The following SARS1 variants were observed in gnomAD, a reference collection of about 807,000 sequenced individuals.
SARS1 encodes the protein seryl-tRNA synthetase 1, also known as serine--tRNA ligase, cytoplasmic.
In SARS1, 25 loss-of-function variants were observed where a neutral mutation model predicts 63.7. The ratio of observed to expected loss-of-function variants is 0.39; its 90% CI spans 0.29 to 0.55. The LOEUF is 0.55. Ranked by LOEUF, SARS1 falls within the 20% of genes least tolerant of loss-of-function variation. SARS1 has a pLI of 0.62. For synonymous variants in SARS1, 231 were observed against 243.5 expected (o/e 0.95, Z 0.48); for missense variants, 417 against 649.7 (o/e 0.64, Z 3.89).
chr1:109,228,300 T>C, intron 2 of SARS1, 52 bp from the exon 3 acceptor site: 1 of 1,302,870 alleles, frequency 7.7e-7, no homozygotes, highest in East Asian at 2.3e-5. Flanking sequence ...TATAAAACAA[T>C]GCCAGAGATT....
In SARS1 at chr1:109,237,274, A is replaced by T. The variant is rs1391272667; in HGVS notation, c.1288A>T (p.Met430Leu). ...GTTTGTCCATATGCTCAATGCTACCATGTGCGCCACTACCCGTACCATCTG... is the reference window on the plus strand; with the variant it reads ...GTTTGTCCATATGCTCAATGCTACCTTGTGCGCCACTACCCGTACCATCTG... ...VEFVHMLNAT[M>L]CATTRTICAI... Residue 430 changes from methionine to leucine, a missense_variant, in exon 10 of 11, where the codon ATG (methionine) becomes TTG (leucine). Coordinates refer to ENST00000234677, the MANE Select transcript of SARS1 (RefSeq NM_006513.4). This position sits in a 1 kb window ranked among gnomAD's most constrained non-coding sequence, Gnocchi z 4.1. The T allele has an allele frequency of 6.2e-7, 1 of 1,613,860 alleles. No individual in the cohort carries two copies. The highest frequency in any genetic ancestry group is 8.5e-7 in the Non-Finnish European group (1 of 1,180,002).
intron 4 of SARS1, among the ~76,000 whole-genome samples, chr1:109,230,035 T>C (rs950875416): frequency 6.6e-6 from 1 of 152,090 alleles, no homozygotes; most frequent in Non-Finnish European, 1.5e-5. Context: ...TGTGCCTCTT[T>C]CATTCATTCC....
At chr1:109,233,674 ATTATTTTTAATTT>A (rs1655251505) in intron 6 of SARS1, among the ~76,000 whole-genome samples, 1 of 151,662 alleles carries the variant, frequency 6.6e-6, no homozygotes. Flanking sequence ...TTAACTTAGC[ATTATTTTTAATTT>A]TTATTTTTAT....
chr1:109,230,843 G>A (rs1055732448), intron 4 of SARS1, 35 bp from the exon 5 acceptor site: 1 of 1,554,344 alleles, frequency 6.4e-7, no homozygotes, highest in African/African-American at 1.4e-5. Context: ...AAAATCATAT[G>A]TCTTGTATGT....
At chr1:109,220,754 T>A (rs1373673027) in intron 1 of SARS1, among the ~76,000 whole-genome samples, 1 of 152,188 alleles carries the variant, frequency 6.6e-6, no homozygotes, top group Non-Finnish European at 1.5e-5. Context: ...GTCTATTGTG[T>A]TTCCAAAACA....
chr1:109,220,403 T>C (rs1031043440), intron 1 of SARS1, among the ~76,000 whole-genome samples: 3 of 152,266 alleles, frequency 2.0e-5, no homozygotes, highest in African/African-American at 4.8e-5. Flanking sequence ...CCTTTTAATT[T>C]AGCCATTCTG....
At chr1:109,227,752 A>G (rs978752393) in intron 2 of SARS1, among the ~76,000 whole-genome samples, 1 of 151,776 alleles carries the variant, frequency 6.6e-6, no homozygotes, top group Non-Finnish European at 1.5e-5. Flanking sequence ...AATACAAAAA[A>G]AAAAAAGGAA....
chr1:109,230,815 AAAT>A (rs1655192152), intron 4 of SARS1, 60 bp from the exon 5 acceptor site: 26 of 1,478,390 alleles, frequency 1.8e-5, no homozygotes, highest in Non-Finnish European at 2.4e-5. Flanking sequence ...CAAAAAAAAA[AAAT>A]AATTTAAAAA....
In SARS1 at chr1:109,237,678, G is replaced by C; in HGVS notation, c.1388-53G>C. On this transcript the variant is annotated intron_variant, in intron 10 of 10. Transcript: ENST00000234677. This position sits in a 1 kb window ranked among gnomAD's most constrained non-coding sequence, Gnocchi z 4.1. ...GTTGAATTCTCCCCAGAGGTCTTAG[G>C]GCTTTGACTCACTGAGAAACAACAG... 1.3e-6 allele frequency: 2 copies of C among 1,598,608 alleles called. No homozygotes were observed. The highest frequency in any genetic ancestry group is 1.7e-6 in the Non-Finnish European group (2 of 1,168,944).
At chr1:109,229,230 G>A (rs1266726069) in intron 3 of SARS1, among the ~76,000 whole-genome samples, 184 bp from the exon 4 acceptor site, 2 of 152,192 alleles carry the variant, frequency 1.3e-5, no homozygotes, top group Non-Finnish European at 2.9e-5. Flanking sequence ...GGATTTGTAG[G>A]GCAAGACTGT....
intron 8 of SARS1, 74 bp from the exon 9 acceptor site, chr1:109,236,317 C>A: frequency 1.4e-6 from 2 of 1,469,154 alleles, no homozygotes; most frequent in Non-Finnish European, 1.9e-6. Flanking sequence ...TTAAAGAATT[C>A]TTCAGGCTTG....
chr1:109,214,610 C>G lies in SARS1; in HGVS notation c.136+482C>G, dbSNP rs985726210. 4 of 985,854 alleles carry G rather than the reference C, an allele frequency of 4.1e-6. No individual in the cohort carries two copies. Among genetic ancestry groups the G allele is most frequent in the Non-Finnish European group, 4.8e-6 (4 of 830,206 alleles). 61.1% of individuals were successfully genotyped at this position (985,854 alleles called of 1,614,324 possible). A position where few individuals can be genotyped will look rare whatever the true frequency, so the allele number is the denominator to read the frequency against. ...CACAGTAGATTCATTCCTTCGGTATCGGAAGCATTTCGGGGCGTTGGAGGC... is the reference window on the plus strand; with the variant it reads ...CACAGTAGATTCATTCCTTCGGTATGGGAAGCATTTCGGGGCGTTGGAGGC... On this transcript the variant is annotated intron_variant, in intron 1 of 10. Coordinates refer to ENST00000234677, the MANE Select transcript of SARS1 (RefSeq NM_006513.4). The surrounding 1 kb of genome is among the most constrained non-coding windows in gnomAD (Gnocchi z 4.6).
Position 109,214,257 on chromosome 1 carries a change from G to C in SARS1, c.136+129G>C. On this transcript the variant is annotated intron_variant, in intron 1 of 10. Coordinates refer to ENST00000234677, the MANE Select transcript of SARS1 (RefSeq NM_006513.4). This position sits in a 1 kb window ranked among gnomAD's most constrained non-coding sequence, Gnocchi z 4.6. The stretch of plus-strand genomic sequence containing the variant: ...CCCCCTCCCAGGGTGCGGTGGCTCC[G>C]AGGTTCTCCCCATCCCCGAAAACAC... 1.8e-6 allele frequency: 2 copies of C among 1,140,810 alleles called. No homozygotes were observed. The highest frequency in any genetic ancestry group is 1.2e-6 in the Non-Finnish European group (1 of 817,936). The allele number at this position is 1,140,810 out of a possible 1,614,324, so 70.7% of individuals were successfully genotyped here.
chr1:109,229,936 G>A (rs890911910), intron 4 of SARS1, among the ~76,000 whole-genome samples: 3 of 152,218 alleles, frequency 2.0e-5, no homozygotes, highest in Admixed American at 2.0e-4. Flanking sequence ...CATGATAAAA[G>A]TTTCCTGCTG....
chr1:109,217,390 T>C (rs944458890), intron 1 of SARS1, among the ~76,000 whole-genome samples: 3 of 152,114 alleles, frequency 2.0e-5, no homozygotes, highest in African/African-American at 4.8e-5. Context: ...AATTTATTAC[T>C]ATTGATCATA....
chr1:109,218,196 A>C (rs1654837738), intron 1 of SARS1, among the ~76,000 whole-genome samples: 3 of 130,258 alleles, frequency 2.3e-5, no homozygotes, highest in Admixed American at 1.6e-4. Flanking sequence ...CTGTCTCCAA[A>C]AAAAAAAAAA....
chr1:109,233,886 T>TTTTG (rs1655257169), intron 6 of SARS1, among the ~76,000 whole-genome samples: 1 of 146,562 alleles, frequency 6.8e-6, no homozygotes, highest in Admixed American at 6.9e-5. Context: ...TTTTTTTTTT[T>TTTTG]TGAGACGGTA....
rs536254881 is a variant in SARS1 at position 109,215,614 on chromosome 1, C to T, written c.136+1486C>T. 7.8e-5 allele frequency: 76 copies of T among 979,864 alleles called. No individual in the cohort carries two copies. The South Asian group carries it at 3.2e-3, about 41-fold the overall frequency. The allele number at this position is 979,864 out of a possible 1,614,324, so 60.7% of individuals were successfully genotyped here. A position where few individuals can be genotyped will look rare whatever the true frequency, so the allele number is the denominator to read the frequency against. The stretch of plus-strand genomic sequence containing the variant: ...GTGAATATTTTCTGTCTTCAGGGCA[C>T]TTTATATTCTTTATGAAAAGCAGTT... On this transcript the variant is annotated intron_variant, in intron 1 of 10. Transcript: ENST00000234677.
At chr1:109,229,777 C>T (rs1655169567) in intron 4 of SARS1, among the ~76,000 whole-genome samples, 1 of 152,158 alleles carries the variant, frequency 6.6e-6, no homozygotes, top group African/African-American at 2.4e-5. Context: ...GGAGGAGACT[C>T]CTGGCACAGA....
Sources: gnomAD v4.1 joint callset for allele counts (sites outside exome capture counted in the v4.1 genomes callset) on GRCh38, gnomAD v4.1.1 for gene constraint, Gnocchi (gnomAD v3.1) non-coding constraint, MANE v1.5 for transcripts, NCBI Gene and HGNC (gene_info 2026-07-23, HGNC 2026-07-21) for gene names.